Variants in PDIA5 observed in about 807,000 individuals in gnomAD.
PDIA5 encodes protein disulfide-isomerase A5.
Under a neutral mutation model 77.6 loss-of-function variants are expected in PDIA5, and 58 were observed. That is an observed-to-expected ratio of 0.75 (90% CI 0.61 to 0.93). The LOEUF is 0.93. Ranked by LOEUF, PDIA5 falls within the 40% of genes least tolerant of loss-of-function variation. The pLI is 0.00. For missense variants in PDIA5, 630 were observed against 647.7 expected, an observed-to-expected ratio of 0.97 and a Z score of 0.30; for synonymous variants, 250 against 252.1, an observed-to-expected ratio of 0.99 and a Z score of 0.08.
chr3:123,129,744 C>T (rs1410857627), intron 10 of PDIA5, among the ~76,000 whole-genome samples: 1 of 152,292 alleles, frequency 6.6e-6, no homozygotes, highest in Non-Finnish European at 1.5e-5. Context: ...CACACAGTCA[C>T]GCTGCGGAAA....
chr3:123,124,419 C>T (rs1481533300), intron 10 of PDIA5, 76 bp downstream of exon 10: 2 of 1,038,142 alleles, frequency 1.9e-6, no homozygotes, highest in East Asian at 2.4e-5. Flanking sequence ...GGTCGCAGGG[C>T]TCTGGCTGGA....
At chr3:123,092,522 T>TCCCCA in intron 3 of PDIA5, 80 bp downstream of exon 3, 4 of 990,888 alleles carry the variant, frequency 4.0e-6, no homozygotes, top group African/African-American at 1.6e-5. Context: ...ACAGGAACTG[T>TCCCCA]CTCTTGATTA....
In PDIA5 at chr3:123,092,431, G is replaced by A. The variant is rs1934321703; in HGVS notation, c.246G>A (p.Trp82Ter). Reference protein sequence around the residue: ...QAVKGQGTICWVDCGDAESRK... With the variant: ...QAVKGQGTIC ...TGAAAGGACAAGGGACCATCTGCTGGGTGGACTGTGGGTATGTGCTGGGGC... is the reference window on the plus strand; with the variant it reads ...TGAAAGGACAAGGGACCATCTGCTGAGTGGACTGTGGGTATGTGCTGGGGC... The change falls in exon 3 of 17, where the codon TGG becomes TGA. Residue 82 changes from tryptophan (W) to a stop codon, truncating the protein, a stop_gained. Coordinates refer to ENST00000316218, the MANE Select transcript of PDIA5 (RefSeq NM_006810.4). LOFTEE classifies it high-confidence loss of function. 1 of 1,613,362 alleles carries A rather than the reference G, an allele frequency of 6.2e-7. No homozygotes were observed. The highest frequency in any genetic ancestry group is 8.5e-7 in the Non-Finnish European group (1 of 1,179,380).
chr3:123,151,786 T>C (rs1935905247), intron 14 of PDIA5, among the ~76,000 whole-genome samples: 1 of 114,074 alleles, frequency 8.8e-6, no homozygotes, highest in African/African-American at 3.3e-5. Context: ...CTGCCTGGCC[T>C]GCCTTCCTGC....
At chr3:123,095,197 G>A (rs1934401049) in intron 3 of PDIA5, among the ~76,000 whole-genome samples, 1 of 152,206 alleles carries the variant, frequency 6.6e-6, no homozygotes, top group Non-Finnish European at 1.5e-5. Flanking sequence ...CCAGGTCTGT[G>A]ATAAGGATCG....
At chr3:123,077,094 A>G (rs1227969538) in intron 1 of PDIA5, among the ~76,000 whole-genome samples, 4 of 152,236 alleles carry the variant, frequency 2.6e-5, no homozygotes, top group Non-Finnish European at 4.4e-5. Flanking sequence ...AGCAGCAGGC[A>G]GTAAGATGTG....
chr3:123,146,974 T>C (rs1935787171), intron 13 of PDIA5, among the ~76,000 whole-genome samples: 2 of 152,112 alleles, frequency 1.3e-5, no homozygotes, highest in South Asian at 4.1e-4. Context: ...CATGCCTGGC[T>C]AATTTTTTGT....
At chr3:123,084,051 G>A (rs1934075185) in intron 1 of PDIA5, among the ~76,000 whole-genome samples, 1 of 152,018 alleles carries the variant, frequency 6.6e-6, no homozygotes, top group Admixed American at 6.5e-5. Context: ...TAGTGTCTTA[G>A]CTCTTTGGAC....
chr3:123,130,632 C>T lies in PDIA5; in HGVS notation c.910+16C>T. On this transcript the variant is annotated intron_variant, in intron 11 of 16. Coordinates refer to ENST00000316218, the MANE Select transcript of PDIA5 (RefSeq NM_006810.4). ...CACGCCCCATGTGAGTGGAACTTTG[C>T]TCCTCCCCCTCCACACCCTCCCCTC... 6.2e-7 allele frequency: 1 copy of T among 1,613,386 alleles called. No individual in the cohort carries two copies. The highest frequency in any genetic ancestry group is 2.2e-5 in the East Asian group (1 of 44,866).
intron 15 of PDIA5, 60 bp from the exon 16 acceptor site, chr3:123,161,261 T>C (rs370031466): frequency 3.2e-6 from 5 of 1,558,700 alleles, no homozygotes; most frequent in African/African-American, 2.7e-5. Flanking sequence ...ATCTGTGTTG[T>C]GGGGTCCAGG....
intron 15 of PDIA5, among the ~76,000 whole-genome samples, chr3:123,157,012 C>A (rs982500543): frequency 1.3e-5 from 2 of 152,210 alleles, no homozygotes; most frequent in Admixed American, 6.5e-5. Flanking sequence ...TGCTCCCCTC[C>A]GCTTAGACAC....
At chr3:123,145,675 C>G in intron 12 of PDIA5, 83 bp downstream of exon 12, 1 of 1,200,720 alleles carries the variant, frequency 8.3e-7, no homozygotes. Flanking sequence ...CCCCTGCAAG[C>G]CCTGCTGCAG....
At position 123,089,389 on chromosome 3, in the gene PDIA5, C is replaced by T. The variant is rs1934229709; in HGVS notation, c.169+95C>T. 8.0e-6 allele frequency: 10 copies of T among 1,252,188 alleles called. No homozygotes were observed. The Middle Eastern group carries it at 5.8e-4, about 72-fold the overall frequency. 77.6% of individuals were successfully genotyped at this position (1,252,188 alleles called of 1,614,324 possible). ...GCAGGAGACGTTAGGATGAAAACCA[C>T]TTAGGGAGGGTCCAAGGGACATGGG... On this transcript the variant is annotated intron_variant, in intron 2 of 16. Coordinates refer to ENST00000316218, the MANE Select transcript of PDIA5 (RefSeq NM_006810.4).
At position 123,146,222 on chromosome 3, in the gene PDIA5, C is replaced by A; in HGVS notation, c.1105C>A (p.Leu369Ile). Residue 369 changes from leucine to isoleucine, a missense_variant, in exon 13 of 17, where the codon CTC becomes ATC. Physicochemically the swap from Leu to Ile is conservative, Grantham distance 5 (BLOSUM62 2). Coordinates refer to ENST00000316218, the MANE Select transcript of PDIA5 (RefSeq NM_006810.4). ...KNGEKYAVPV[L>I]RTKKKFLEWM... is the part of the protein sequence containing the mutation. ...TGGAGAGAAATACGCAGTGCCTGTG[C>A]TCAGGACAAAGAAGAAGTTTCTCGA... 2 of 1,614,044 alleles carry A rather than the reference C, an allele frequency of 1.2e-6. No individual in the cohort carries two copies. Among genetic ancestry groups the A allele is most frequent in the African/African-American group, 2.7e-5 (2 of 75,058 alleles).
chr3:123,130,484 C>T lies in PDIA5; in HGVS notation c.778C>T (p.Gln260Ter). 6.2e-7 allele frequency: 1 copy of T among 1,613,316 alleles called. No homozygotes were observed. The highest frequency in any genetic ancestry group is 1.7e-5 in the Admixed American group (1 of 59,906). The change falls in exon 11 of 17, where the codon CAG becomes TAG. Residue 260 changes from glutamine to a stop codon, truncating the protein, a stop_gained. Coordinates refer to ENST00000316218, the MANE Select transcript of PDIA5 (RefSeq NM_006810.4). LOFTEE classifies it high-confidence loss of function. ...EDIVEWLKNP[Q>*]PPQPQVPETP... ...TGCCTGTTTTTGGTCTTCCAGTCCG[C>T]AGCCGCCACAGCCCCAGGTCCCTGA...
intron 1 of PDIA5, among the ~76,000 whole-genome samples, chr3:123,076,164 G>A (rs987974475): frequency 6.6e-6 from 1 of 152,282 alleles, no homozygotes; most frequent in East Asian, 1.9e-4. Context: ...GTGGAGCAAC[G>A]GGGAGTGGAT....
chr3:123,106,517 G>A (rs985712961), intron 5 of PDIA5, among the ~76,000 whole-genome samples: 1 of 152,182 alleles, frequency 6.6e-6, no homozygotes, highest in Admixed American at 6.5e-5. Flanking sequence ...AAGGTGTCTT[G>A]TGATTGAAAA....
chr3:123,135,040 C>T (rs536394924), intron 11 of PDIA5, among the ~76,000 whole-genome samples: 14 of 152,194 alleles, frequency 9.2e-5, no homozygotes, highest in East Asian at 7.7e-4. Context: ...ACCCTGCAGG[C>T]GACGGAGATG....
At chr3:123,103,430 C>T (rs1318455087) in intron 5 of PDIA5, among the ~76,000 whole-genome samples, 5 of 152,200 alleles carry the variant, frequency 3.3e-5, no homozygotes, top group Admixed American at 6.5e-5. Context: ...TCTGGTCCTG[C>T]GCTGGCTGAA....
Sources: allele counts gnomAD v4.1 joint callset (sites outside exome capture counted in the v4.1 genomes callset), GRCh38; gene constraint gnomAD v4.1.1; transcripts MANE v1.5; gene names NCBI Gene and HGNC (gene_info 2026-07-23, HGNC 2026-07-21).